Variants in UQCRC2 observed in about 807,000 individuals in gnomAD.
UQCRC2 encodes the protein cytochrome b-c1 complex subunit 2, mitochondrial.
A neutral mutation model predicts 55.6 loss-of-function variants in UQCRC2; 49 were observed. The observed-to-expected ratio is 0.88, with a 90% CI of 0.70 to 1.12. The LOEUF (loss-of-function observed/expected upper bound fraction) is 1.12, where lower values mean the gene tolerates loss of function less well. UQCRC2 is among the 50% of genes most tolerant of loss of function. UQCRC2 has a pLI of 0.00. For missense variants in UQCRC2, 506 were observed against 547.8 expected, an observed-to-expected ratio of 0.92 and a Z score of 0.76; for synonymous variants, 193 against 192.0, an observed-to-expected ratio of 1.01 and a Z score of -0.04.
chr16:21,961,017 A>T (rs1176507047), intron 4 of UQCRC2, among the ~76,000 whole-genome samples: 2 of 152,006 alleles, frequency 1.3e-5, no homozygotes, highest in African/African-American at 2.4e-5. Context: ...TTTTGTACAA[A>T]TGGAGGTCTC....
chr16:21,971,411 T>G, intron 8 of UQCRC2, 114 bp from the exon 9 acceptor site: 1 of 833,652 alleles, frequency 1.2e-6, no homozygotes, highest in Middle Eastern at 3.1e-4. Flanking sequence ...AGACTCTTAT[T>G]TATTTTGTAG....
rs530610196 is a variant in UQCRC2, at chr16:21,955,912, G to A, written c.34-1323G>A. 1.3e-4 allele frequency among the ~76,000 whole-genome samples: 20 copies of A among 151,988 alleles called. No homozygotes were observed. The South Asian group carries it at 2.3e-3, about 17-fold the overall frequency. ...ACAATCTCGGCTCACTGCAACCTCC[G>A]CCTCCCGGATTCAAGTGATTCTCCT... On this transcript the variant is annotated intron_variant, in intron 1 of 13. Coordinates refer to ENST00000268379, the MANE Select transcript of UQCRC2 (RefSeq NM_003366.4).
At chr16:21,968,769 A>T in intron 8 of UQCRC2, 84 bp downstream of exon 8, 2 of 1,283,270 alleles carry the variant, frequency 1.6e-6, no homozygotes, top group Non-Finnish European at 2.1e-6. Context: ...ATAGGATTGA[A>T]CAAAATTTGA....
At chr16:21,962,283 G>C (rs1898222908) in intron 4 of UQCRC2, 177 bp from the exon 5 acceptor site, 1 of 669,890 alleles carries the variant, frequency 1.5e-6, no homozygotes, top group Non-Finnish European at 2.5e-6. Context: ...TTATTTGCTG[G>C]TTTTTAAAAA....
chr16:21,978,614 C>T (rs2141947500), intron 12 of UQCRC2, among the ~76,000 whole-genome samples: 1 of 152,256 alleles, frequency 6.6e-6, no homozygotes, highest in African/African-American at 2.4e-5. Context: ...AATAGTTTTA[C>T]CTAGATCTAA....
intron 7 of UQCRC2, among the ~76,000 whole-genome samples, chr16:21,968,000 CTTTT>C (rs544335331): frequency 6.6e-5 from 9 of 137,118 alleles, no homozygotes; most frequent in Non-Finnish European, 1.4e-4. Flanking sequence ...CTTTTTATTC[CTTTT>C]TTTTTTTTTT....
At chr16:21,968,457 T>A (rs766053705) in intron 7 of UQCRC2, 171 bp from the exon 8 acceptor site, 1 of 477,272 alleles carries the variant, frequency 2.1e-6, no homozygotes, top group Non-Finnish European at 3.6e-6. Context: ...TAAGCAATAG[T>A]TTTTATAATA....
At chr16:21,973,842 G>A (rs940296664) in intron 10 of UQCRC2, 54 bp from the exon 11 acceptor site, 114 of 1,524,204 alleles carry the variant, frequency 7.5e-5, no homozygotes, top group African/African-American at 1.1e-4. Flanking sequence ...TAAAGAAATC[G>A]TGCCCTGTTT....
chr16:21,962,830 C>T lies in UQCRC2; in HGVS notation c.459C>T (p.Asp153=), dbSNP rs779087155. The change falls in exon 6 of 14, where the codon GAC becomes GAT. Residue 153 remains aspartate (D), a synonymous_variant. Transcript: ENST00000268379. ...APEFRRWEVA[D]LQPQLKIDKA... ...AATTTCGTCGTTGGGAAGTAGCTGACCTTCAGCCTCAGCTAAAGATTGACA... is the reference window on the plus strand; with the variant it reads ...AATTTCGTCGTTGGGAAGTAGCTGATCTTCAGCCTCAGCTAAAGATTGACA... The T allele has an allele frequency of 6.2e-7, 1 of 1,614,082 alleles. No homozygotes were observed. The highest frequency in any genetic ancestry group is 1.7e-5 in the Admixed American group (1 of 60,032).
chr16:21,971,125 G>C lies in UQCRC2; in HGVS notation c.671-400G>C, dbSNP rs187711673. 1.9e-3 allele frequency among the ~76,000 whole-genome samples: 282 copies of C among 152,250 alleles called. 1 individual carries two copies. Among genetic ancestry groups the C allele is most frequent in the South Asian group, 8.3e-3 (40 of 4,826 alleles). On this transcript the variant is annotated intron_variant, in intron 8 of 13. Coordinates refer to ENST00000268379, the MANE Select transcript of UQCRC2 (RefSeq NM_003366.4). The stretch of plus-strand genomic sequence containing the variant: ...TTAGAAACATGCTAGCGTCCATTAG[G>C]AGGGGATTGATCAAATAAATGGTGG...
chr16:21,957,552 C>T lies in UQCRC2; in HGVS notation c.253C>T (p.Leu85Phe), dbSNP rs1465443775. Residue 85 changes from leucine (L) to phenylalanine (F), a missense_variant, in exon 3 of 14, where the codon CTT (leucine) becomes TTT (phenylalanine). Physicochemically the swap from Leu to Phe is conservative, Grantham distance 22. Coordinates refer to ENST00000268379, the MANE Select transcript of UQCRC2 (RefSeq NM_003366.4). ...SNLGTTHLLR[L>F]TSSLTTKGAS... ...TTTAGGAACCACCCATTTGCTGCGT[C>T]TTACATCCAGTCTGGTGAGTATCTT... The T allele has an allele frequency of 1.2e-6, 2 of 1,614,126 alleles. No homozygotes were observed. Among genetic ancestry groups the T allele is most frequent in the African/African-American group, 1.3e-5 (1 of 75,026 alleles).
Position 21,981,944 on chromosome 16 carries a change from C to A in UQCRC2, c.1279-1144C>A, listed in dbSNP as rs895353556. On this transcript the variant is annotated intron_variant, in intron 13 of 13. Transcript: ENST00000268379. ...CAACCTCCGCCTCCCGGGTTCACGC[C>A]ATTTTCCTGCCTCAGCCTTCCTAGT... is the stretch of plus-strand genomic sequence containing the variant. Among the ~76,000 whole-genome samples, 7 of 151,278 alleles carry A rather than the reference C, an allele frequency of 4.6e-5. No individual in the cohort carries two copies. The South Asian group carries it at 1.3e-3, about 27-fold the overall frequency.
chr16:21,980,434 TG>T (rs1041049694), intron 12 of UQCRC2, 112 bp from the exon 13 acceptor site: 167 of 1,120,744 alleles, frequency 1.5e-4, no homozygotes, highest in Middle Eastern at 3.1e-4. Context: ...GGAGACACGC[TG>T]TTACTCTATC....
At chr16:21,957,845 T>C (rs1299929047) in intron 3 of UQCRC2, among the ~76,000 whole-genome samples, 2 of 152,208 alleles carry the variant, frequency 1.3e-5, no homozygotes, top group Non-Finnish European at 2.9e-5. Context: ...TGTTCCTAGC[T>C]TCCAGCAGTT....
At chr16:21,977,310 C>T (rs985048136) in intron 12 of UQCRC2, among the ~76,000 whole-genome samples, 2 of 151,742 alleles carry the variant, frequency 1.3e-5, no homozygotes, top group Admixed American at 6.6e-5. Flanking sequence ...ACTAAGATCA[C>T]GCCATTGCAC....
chr16:21,965,565 A>G (rs536387437), intron 7 of UQCRC2, 60 bp downstream of exon 7: 5 of 1,330,204 alleles, frequency 3.8e-6, no homozygotes, highest in Admixed American at 5.5e-5. Flanking sequence ...AACATCTCCC[A>G]TTTCAGGTTT....
At chr16:21,954,702 G>T (rs529566405) in intron 1 of UQCRC2, among the ~76,000 whole-genome samples, 1 of 152,244 alleles carries the variant, frequency 6.6e-6, no homozygotes, top group East Asian at 1.9e-4. Context: ...TTAGAAGATT[G>T]CATGACAGTT....
At chr16:21,968,361 A>G (rs1404640607) in intron 7 of UQCRC2, 2 of 265,222 alleles carry the variant, frequency 7.5e-6, no homozygotes, top group African/African-American at 4.4e-5. Flanking sequence ...ATACTATACA[A>G]CCTATTTAAA....
intron 12 of UQCRC2, among the ~76,000 whole-genome samples, chr16:21,978,554 A>C (rs1898640299): frequency 6.6e-6 from 1 of 152,192 alleles, no homozygotes; most frequent in African/African-American, 2.4e-5. Context: ...CTCACAGACA[A>C]ATCTCAGCAA....
Sources: allele counts gnomAD v4.1 joint callset (sites outside exome capture counted in the v4.1 genomes callset), GRCh38; gene constraint gnomAD v4.1.1; transcripts MANE v1.5; gene names NCBI Gene and HGNC (gene_info 2026-07-23, HGNC 2026-07-21).